The following PKIA variants were observed in gnomAD, a reference collection of about 807,000 sequenced individuals.
PKIA encodes cAMP-dependent protein kinase inhibitor alpha, also known as PKI-alpha.
In PKIA, 4 loss-of-function variants were observed where a neutral mutation model predicts 7.6. That is an observed-to-expected ratio of 0.52 (90% CI 0.26 to 1.20). PKIA has a LOEUF of 1.20. Among genes scored for constraint, PKIA ranks in the 50% most tolerant of loss-of-function variants. PKIA has a pLI of 0.13. For synonymous variants in PKIA, 21 were observed against 30.7 expected (o/e 0.68, Z 1.04); for missense variants, 73 against 86.2 (o/e 0.85, Z 0.61).
chr8:78,556,593 G>C (rs970059351), intron 1 of PKIA: 2 of 152,034 alleles, frequency 1.3e-5, no homozygotes, highest in Non-Finnish European at 2.9e-5. Context: ...TCAAAAACAG[G>C]CTGGCTCTAA....
intron 1 of PKIA, among the ~76,000 whole-genome samples, chr8:78,561,273 A>G (rs1480241009): frequency 2.0e-5 from 3 of 152,168 alleles, no homozygotes; most frequent in African/African-American, 2.4e-5. Flanking sequence ...AACACTCTAC[A>G]TATACCAGGA....
intron 1 of PKIA, among the ~76,000 whole-genome samples, chr8:78,549,941 G>A (rs139128928): frequency 4.6e-5 from 7 of 152,132 alleles, no homozygotes; most frequent in African/African-American, 9.6e-5. Context: ...CCTCTAGACC[G>A]TAATACAATG....
Position 78,532,509 on chromosome 8 carries a change from C to CAAA in PKIA, c.-157+16055_-157+16057dup, listed in dbSNP as rs531910650. ...TGGGTGACAGAGCAAGACTCCATCT[C>CAAA]AAAAAAAAAAAAAAAAGGAAGAAAT... On this transcript the variant is annotated intron_variant, in intron 1 of 3. Coordinates refer to ENST00000396418, the MANE Select transcript of PKIA (RefSeq NM_006823.4). Among the ~76,000 whole-genome samples, 852 of 101,350 alleles carry CAAA rather than the reference C, an allele frequency of 8.4e-3. 12 individuals are homozygous for CAAA. The highest frequency in any genetic ancestry group is 0.027 in the African/African-American group (803 of 29,416). 66.5% of individuals were successfully genotyped at this position (101,350 alleles called of 152,430 possible).
intron 2 of PKIA, among the ~76,000 whole-genome samples, chr8:78,575,594 C>T (rs941482970): frequency 1.3e-5 from 2 of 151,916 alleles, no homozygotes; most frequent in African/African-American, 2.4e-5. Flanking sequence ...TTTAATGCCT[C>T]CTATTATACA....
intron 1 of PKIA, among the ~76,000 whole-genome samples, chr8:78,518,087 C>A (rs561346706): frequency 6.6e-6 from 1 of 152,282 alleles, no homozygotes; most frequent in South Asian, 2.1e-4. Context: ...TATTATATAT[C>A]ATTATTGCCT....
intron 1 of PKIA, among the ~76,000 whole-genome samples, chr8:78,530,018 A>G (rs1806354891): frequency 6.6e-6 from 1 of 152,004 alleles, no homozygotes; most frequent in African/African-American, 2.4e-5. Flanking sequence ...TTTTTAGTAG[A>G]TTTCTGGAAA....
chr8:78,554,880 G>C (rs895585762), intron 1 of PKIA, among the ~76,000 whole-genome samples: 4 of 152,014 alleles, frequency 2.6e-5, no homozygotes, highest in African/African-American at 9.7e-5. Flanking sequence ...GTGGTTTAAA[G>C]AGACTAGTTT....
At chr8:78,560,299 C>T (rs1332117378) in intron 1 of PKIA, among the ~76,000 whole-genome samples, 1 of 152,194 alleles carries the variant, frequency 6.6e-6, no homozygotes, top group East Asian at 1.9e-4. Flanking sequence ...ATAACACTTT[C>T]TTTAAACTAA....
rs548400352 is a variant in PKIA, at chr8:78,602,798, A to G, written c.*977A>G. ...CTAAGGACTGGAAATATTTTGTTCTATGGAATCAAATTTCTCACAATGCTG... is the reference window on the plus strand; with the variant it reads ...CTAAGGACTGGAAATATTTTGTTCTGTGGAATCAAATTTCTCACAATGCTG... On this transcript the variant is annotated 3_prime_UTR_variant, in exon 4 of 4. Transcript: ENST00000396418. 3.3e-5 allele frequency: 5 copies of G among 151,880 alleles called. No homozygotes were observed. The East Asian group carries it at 5.8e-4, about 18-fold the overall frequency. The allele number at this position is 151,880 out of a possible 1,614,324, so 9.4% of individuals were successfully genotyped here.
At chr8:78,556,198 T>C (rs1373949982) in intron 1 of PKIA, among the ~76,000 whole-genome samples, 5 of 152,120 alleles carry the variant, frequency 3.3e-5, no homozygotes, top group Admixed American at 3.3e-4. Flanking sequence ...CAGCCAAACA[T>C]GACTCACTGT....
At chr8:78,565,734 C>A (rs1319341882) in intron 1 of PKIA, among the ~76,000 whole-genome samples, 1 of 151,646 alleles carries the variant, frequency 6.6e-6, no homozygotes, top group Non-Finnish European at 1.5e-5. Flanking sequence ...TTTATAGTTT[C>A]TTTTACAGGA....
chr8:78,539,566 A>T (rs962463732), intron 1 of PKIA, among the ~76,000 whole-genome samples: 1 of 152,044 alleles, frequency 6.6e-6, no homozygotes, highest in African/African-American at 2.4e-5. Flanking sequence ...AAGCAGCAGT[A>T]AGCAATCTAT....
intron 3 of PKIA, among the ~76,000 whole-genome samples, chr8:78,599,080 T>C (rs1000030250): frequency 6.6e-6 from 1 of 152,018 alleles, no homozygotes; most frequent in African/African-American, 2.4e-5. Flanking sequence ...TAGAATGGGT[T>C]TGTGAAAAAT....
chr8:78,518,086 T>C (rs1465973118), intron 1 of PKIA, among the ~76,000 whole-genome samples: 2 of 152,234 alleles, frequency 1.3e-5, no homozygotes, highest in East Asian at 1.9e-4. Flanking sequence ...ATATTATATA[T>C]CATTATTGCC....
At chr8:78,573,834 GA>G (rs1807612413) in intron 2 of PKIA, among the ~76,000 whole-genome samples, 1 of 151,784 alleles carries the variant, frequency 6.6e-6, no homozygotes, top group African/African-American at 2.4e-5. Context: ...AAATCTTTTT[GA>G]ATTAATGAAT....
chr8:78,553,125 T>A (rs1162297797), intron 1 of PKIA, among the ~76,000 whole-genome samples: 1 of 151,418 alleles, frequency 6.6e-6, no homozygotes, highest in African/African-American at 2.4e-5. Flanking sequence ...GCACTGTCTC[T>A]TTTAGAGTTC....
chr8:78,559,892 C>A (rs926462368), intron 1 of PKIA, among the ~76,000 whole-genome samples: 1 of 152,058 alleles, frequency 6.6e-6, no homozygotes, highest in Non-Finnish European at 1.5e-5. Context: ...ATATCCTAGT[C>A]CCAAAGTGAT....
At chr8:78,516,812 T>C (rs964044861) in intron 1 of PKIA, among the ~76,000 whole-genome samples, 4 of 152,212 alleles carry the variant, frequency 2.6e-5, no homozygotes, top group Non-Finnish European at 5.9e-5. Context: ...TTGAGTATTT[T>C]GAGGATTTGG....
rs540843871 is a variant in PKIA, at chr8:78,517,637, T to C, written c.-157+1169T>C. On this transcript the variant is annotated intron_variant, in intron 1 of 3. Coordinates refer to ENST00000396418, the MANE Select transcript of PKIA (RefSeq NM_006823.4). ...CCCAATCTAAGCCTCTGGTTGAGTATCCTCTAGTTTGTCTTGCCATTTGCA... is the reference window on the plus strand; with the variant it reads ...CCCAATCTAAGCCTCTGGTTGAGTACCCTCTAGTTTGTCTTGCCATTTGCA... 5.9e-5 allele frequency among the ~76,000 whole-genome samples: 9 copies of C among 152,282 alleles called. No homozygotes were observed. The South Asian group carries it at 1.9e-3, about 32-fold the overall frequency.
Sources: allele counts gnomAD v4.1 joint callset (sites outside exome capture counted in the v4.1 genomes callset), GRCh38; gene constraint gnomAD v4.1.1; transcripts MANE v1.5; gene names NCBI Gene and HGNC (gene_info 2026-07-23, HGNC 2026-07-21).